Variants in ATM observed in about 807,000 individuals in gnomAD.
ATM encodes the protein ATM serine/threonine kinase, also known as serine-protein kinase ATM.
ATM carries 308 observed loss-of-function variants against 387.0 expected under a neutral mutation model. That is an observed-to-expected ratio of 0.80 (90% CI 0.73 to 0.87). ATM has a LOEUF of 0.87. Among genes scored for constraint, ATM ranks in the 40% least tolerant of loss-of-function variants. ATM has a pLI of 0.00. For synonymous variants in ATM, 1,156 were observed against 1,187.3 expected (o/e 0.97, Z 0.54); for missense variants, 3,312 against 3,560.9 (o/e 0.93, Z 1.78).
intron 31 of ATM, among the ~76,000 whole-genome samples, chr11:108,294,555 C>A (rs2083012504): frequency 6.6e-6 from 1 of 152,184 alleles, no homozygotes; most frequent in Admixed American, 6.5e-5. Context: ...GCCTGGCCAA[C>A]ATGGCAAAAC....
chr11:108,326,786 C>T (rs979055946), intron 47 of ATM, among the ~76,000 whole-genome samples: 2 of 152,158 alleles, frequency 1.3e-5, no homozygotes, highest in South Asian at 4.1e-4. Flanking sequence ...CAGACATGTA[C>T]CTGCTTAGTG....
intron 15 of ATM, 100 bp downstream of exon 15, chr11:108,257,706 A>G: frequency 2.5e-6 from 3 of 1,220,704 alleles, no homozygotes; most frequent in Non-Finnish European, 3.5e-6. Context: ...TGTAGCCTTG[A>G]CCTCCTGGTT....
At position 108,271,353 on chromosome 11, in the gene ATM, T is replaced by G. The variant is rs1060504274; in HGVS notation, c.3024T>G (p.Ser1008=). ...VKNLGQSNMD[S]ENTRDAQGQF... ...ACCTAGGTCAAAGCAATATGGACTC[T>G]GAGAACACAAGGGATGCTCAAGGAC... is the stretch of plus-strand genomic sequence containing the variant. The change falls in exon 20 of 63, where the codon TCT becomes TCG. Residue 1008 remains serine (S), a synonymous_variant. Transcript: ENST00000675843. 1 of 1,614,074 alleles carries G rather than the reference T, an allele frequency of 6.2e-7. No homozygotes were observed. The highest frequency in any genetic ancestry group is 1.7e-5 in the Admixed American group (1 of 60,018).
intron 16 of ATM, among the ~76,000 whole-genome samples, chr11:108,266,451 C>G (rs1473270878): frequency 7.4e-6 from 1 of 134,706 alleles, no homozygotes; most frequent in Non-Finnish European, 1.5e-5. Context: ...CACATGGACA[C>G]AGGAAGGGGA....
At chr11:108,330,981 G>A (rs1401572731) in intron 50 of ATM, among the ~76,000 whole-genome samples, 1 of 152,120 alleles carries the variant, frequency 6.6e-6, no homozygotes, top group Non-Finnish European at 1.5e-5. Flanking sequence ...CAATTTGAAG[G>A]TTAGAGATAA....
intron 3 of ATM, among the ~76,000 whole-genome samples, chr11:108,228,663 C>G (rs904865648): frequency 6.6e-6 from 1 of 152,162 alleles, no homozygotes; most frequent in East Asian, 1.9e-4. Context: ...TGTTTTTCCT[C>G]TGATTTTCTA....
Position 108,235,765 on chromosome 11 carries a change from A to G in ATM, c.427A>G (p.Asn143Asp), listed in dbSNP as rs587781688. 1 of 1,613,754 alleles carries G rather than the reference A, an allele frequency of 6.2e-7. No homozygotes were observed. The highest frequency in any genetic ancestry group is 8.5e-7 in the Non-Finnish European group (1 of 1,179,746). ...NGAIYGADCSNILLKDILSVR... is the reference protein window; with the variant it reads ...NGAIYGADCSDILLKDILSVR... ...TGCTATTTACGGAGCTGATTGTAGC[A>G]ACATACTACTCAAAGACATTCTTTC... Residue 143 changes from asparagine to aspartate, a missense_variant, in exon 5 of 63, where the codon AAC becomes GAC. Asn to Asp is a conservative substitution (Grantham distance 23, BLOSUM62 1). This residue lies in a region of ATM where 1,791 missense variants were observed against 1,804.5 expected (regional missense o/e 0.99). Transcript: ENST00000675843.
At chr11:108,344,542 C>G (rs925997844) in intron 57 of ATM, among the ~76,000 whole-genome samples, 3 of 152,076 alleles carry the variant, frequency 2.0e-5, no homozygotes, top group Non-Finnish European at 2.9e-5. Flanking sequence ...ATCAGACTTG[C>G]ATTTTAGAAA....
chr11:108,357,649 G>A (rs2090165240), intron 61 of ATM, among the ~76,000 whole-genome samples: 1 of 152,076 alleles, frequency 6.6e-6, no homozygotes. Context: ...TGACCCCCGA[G>A]CAGCCTAACT....
chr11:108,282,559 T>C, intron 24 of ATM, 151 bp from the exon 25 acceptor site: 1 of 679,432 alleles, frequency 1.5e-6, no homozygotes, highest in East Asian at 2.8e-5. Flanking sequence ...GAGTACATTT[T>C]CTTAATTATT....
At chr11:108,261,675 A>C (rs993331114) in intron 16 of ATM, among the ~76,000 whole-genome samples, 1 of 152,080 alleles carries the variant, frequency 6.6e-6, no homozygotes, top group Admixed American at 6.6e-5. Context: ...TCAGACGATC[A>C]AATTACTCTG....
intron 39 of ATM, among the ~76,000 whole-genome samples, chr11:108,311,528 T>C (rs540026674): frequency 9.2e-5 from 14 of 152,116 alleles, no homozygotes; most frequent in South Asian, 8.3e-4. Flanking sequence ...AGACCTCAGC[T>C]CTACTAAAAA....
chr11:108,238,219 G>A (rs770018749), intron 5 of ATM, among the ~76,000 whole-genome samples: 1 of 151,980 alleles, frequency 6.6e-6, no homozygotes, highest in Non-Finnish European at 1.5e-5. Context: ...GAGCCACCGC[G>A]TCTGGCCACT....
At chr11:108,301,901 C>A (rs146906288) in intron 35 of ATM, 112 bp downstream of exon 35, 2 of 1,155,372 alleles carry the variant, frequency 1.7e-6, no homozygotes, top group Middle Eastern at 2.8e-4. Context: ...AACTATTAAC[C>A]TTTCCTATAA....
At chr11:108,338,819 T>C (rs1287887878) in intron 56 of ATM, among the ~76,000 whole-genome samples, 2 of 152,208 alleles carry the variant, frequency 1.3e-5, no homozygotes, top group East Asian at 3.8e-4. Flanking sequence ...ACTCCAAGAA[T>C]GTGAAAGTTG....
intron 55 of ATM, 25 bp downstream of exon 55, chr11:108,335,134 G>A (rs2086696642): frequency 3.1e-6 from 5 of 1,613,724 alleles, no homozygotes; most frequent in Non-Finnish European, 4.2e-6. Flanking sequence ...CTCTGGCTTA[G>A]CCCTTAGAGT....
intron 59 of ATM, among the ~76,000 whole-genome samples, chr11:108,350,955 A>C (rs1235473556): frequency 3.9e-5 from 6 of 152,244 alleles, no homozygotes; most frequent in African/African-American, 7.2e-5. Context: ...ATACATATGT[A>C]TAAAAATGTT....
At chr11:108,362,632 A>G (rs1343502064) in intron 61 of ATM, among the ~76,000 whole-genome samples, 1 of 149,866 alleles carries the variant, frequency 6.7e-6, no homozygotes, top group African/African-American at 2.5e-5. Context: ...AAAAATGATG[A>G]GTTCATGTCC....
rs369161623 is a variant in ATM at position 108,237,899 on chromosome 11, GTTTTTTTTT to G, written c.496+2082_496+2090del. Among the ~76,000 whole-genome samples the G allele has an allele frequency of 8.1e-3, 744 of 92,072 alleles. 10 individuals carry two copies. The highest frequency in any genetic ancestry group is 0.028 in the African/African-American group (589 of 21,396). The allele number at this position is 92,072 out of a possible 152,430, so 60.4% of individuals were successfully genotyped here. On this transcript the variant is annotated intron_variant, in intron 5 of 62. Transcript: ENST00000675843. ...ACTGTATATCTCTCCATTTACTTAG[GTTTTTTTTT>G]TTTTTTTTTTTTTTTTGCTTCTTTG...
Sources: allele counts gnomAD v4.1 joint callset (sites outside exome capture counted in the v4.1 genomes callset), GRCh38; gene constraint gnomAD v4.1.1; regional missense constraint gnomAD v4.1.1; transcripts MANE v1.5; gene names NCBI Gene and HGNC (gene_info 2026-07-23, HGNC 2026-07-21).